GALNT17: variants seen among roughly 807,000 people sequenced by gnomAD.
The protein encoded by GALNT17 is UDP-GalNAc:polypeptide N-acetylgalactosaminyltransferase-like 3.
GALNT17 carries 29 observed loss-of-function variants against 63.7 expected under a neutral mutation model. The observed-to-expected ratio is 0.46, with a 90% confidence interval of 0.34 to 0.62. The LOEUF (loss-of-function observed/expected upper bound fraction) is 0.62. Ranked by LOEUF, GALNT17 falls within the 20% of genes least tolerant of loss-of-function variation. The pLI is 0.01. For missense variants in GALNT17, 603 were observed against 799.6 expected, an observed-to-expected ratio of 0.75 and a Z score of 2.97; for synonymous variants, 305 against 318.3, an observed-to-expected ratio of 0.96 and a Z score of 0.45.
intron 9 of GALNT17, among the ~76,000 whole-genome samples, chr7:71,697,162 A>G (rs930751210): frequency 2.0e-5 from 3 of 152,174 alleles, no homozygotes; most frequent in South Asian, 4.1e-4. Context: ...GTAAAAAGTC[A>G]TGGTAGAAAG....
At chr7:71,391,237 C>T (rs1407102018) in intron 3 of GALNT17, among the ~76,000 whole-genome samples, 3 of 152,148 alleles carry the variant, frequency 2.0e-5, no homozygotes, top group African/African-American at 7.2e-5. Flanking sequence ...GCATGAACTG[C>T]AGATCGGGCT....
At chr7:71,607,256 G>T (rs1160201305) in intron 6 of GALNT17, among the ~76,000 whole-genome samples, 1 of 152,174 alleles carries the variant, frequency 6.6e-6, no homozygotes, top group Non-Finnish European at 1.5e-5. Context: ...TACTGCCTGA[G>T]AAACTAAAGG....
chr7:71,455,665 C>G (rs1015593395), intron 5 of GALNT17, among the ~76,000 whole-genome samples: 1 of 152,170 alleles, frequency 6.6e-6, no homozygotes, highest in African/African-American at 2.4e-5. Context: ...AGGCAGCTCT[C>G]TCTCATGCTC....
chr7:71,280,843 G>T (rs561475842), intron 1 of GALNT17, among the ~76,000 whole-genome samples: 1 of 152,276 alleles, frequency 6.6e-6, no homozygotes, highest in East Asian at 1.9e-4. Flanking sequence ...CCTACAGTTG[G>T]TGACTGGGCT....
Position 71,243,912 on chromosome 7 carries a change from T to C in GALNT17, c.239-91638T>C, listed in dbSNP as rs575670226. On this transcript the variant is annotated intron_variant, in intron 1 of 10. Coordinates refer to ENST00000333538, the MANE Select transcript of GALNT17 (RefSeq NM_022479.3). ...TGTCGTTGGCAGGATCAAGAGTTTG[T>C]GGAAGCCAGATTGAAGTGGGGTGGG... Among the ~76,000 whole-genome samples, 6 of 152,214 alleles carry C rather than the reference T, an allele frequency of 3.9e-5. No homozygotes were observed. The East Asian group carries it at 1.2e-3, about 29-fold the overall frequency.
chr7:71,204,330 GT>G (rs1490455015), intron 1 of GALNT17, among the ~76,000 whole-genome samples: 1 of 152,098 alleles, frequency 6.6e-6, no homozygotes, highest in Non-Finnish European at 1.5e-5. Context: ...ATCAGGTAGT[GT>G]GATGCCTCCA....
intron 1 of GALNT17, among the ~76,000 whole-genome samples, chr7:71,306,257 A>T (rs1194978724): frequency 7.5e-6 from 1 of 133,048 alleles, no homozygotes; most frequent in African/African-American, 2.8e-5. Context: ...GGTAAAACAT[A>T]CATAACATGA....
At chr7:71,335,790 C>A (rs997544519) in intron 2 of GALNT17, 57 bp downstream of exon 2, 8 of 1,350,244 alleles carry the variant, frequency 5.9e-6, no homozygotes, top group Non-Finnish European at 7.8e-6. Context: ...TGGGTGTAGA[C>A]CCCTACGTTT....
intron 1 of GALNT17, among the ~76,000 whole-genome samples, chr7:71,265,692 G>C (rs530058250): frequency 1.3e-5 from 2 of 152,300 alleles, no homozygotes; most frequent in South Asian, 4.1e-4. Context: ...AGCCTCTCTA[G>C]GGGAAGATTT....
intron 6 of GALNT17, among the ~76,000 whole-genome samples, chr7:71,639,177 T>A (rs1306753214): frequency 2.0e-5 from 3 of 152,166 alleles, no homozygotes; most frequent in Non-Finnish European, 4.4e-5. Context: ...GTTACATGCC[T>A]GTGTCAAAAC....
At chr7:71,386,168 G>A (rs923687142) in intron 2 of GALNT17, among the ~76,000 whole-genome samples, 1 of 152,222 alleles carries the variant, frequency 6.6e-6, no homozygotes, top group Non-Finnish European at 1.5e-5. Flanking sequence ...GAGGCTGCTT[G>A]ATCAATGCAT....
chr7:71,301,343 T>A (rs1390803970), intron 1 of GALNT17, among the ~76,000 whole-genome samples: 1 of 147,198 alleles, frequency 6.8e-6, no homozygotes, highest in African/African-American at 2.5e-5. Flanking sequence ...AATTATTATA[T>A]TAAAATATAT....
intron 1 of GALNT17, among the ~76,000 whole-genome samples, chr7:71,249,787 C>T (rs1441638044): frequency 6.6e-6 from 1 of 152,212 alleles, no homozygotes; most frequent in African/African-American, 2.4e-5. Flanking sequence ...GTTGGTGGTG[C>T]TTAATAAATT....
Position 71,658,104 on chromosome 7 carries a change from G to A in GALNT17, c.1081-7307G>A, listed in dbSNP as rs531449452. Among the ~76,000 whole-genome samples the A allele has an allele frequency of 5.7e-4, 86 of 152,140 alleles. No homozygotes were observed. The South Asian group carries it at 0.011, about 20-fold the overall frequency. On this transcript the variant is annotated intron_variant, in intron 6 of 10. Coordinates refer to ENST00000333538, the MANE Select transcript of GALNT17 (RefSeq NM_022479.3). ...ATTTTCTTTTGTAGAGGCTGGTCTC[G>A]CCATGTTGCCCAGGCTGGTCTTGAA...
At chr7:71,711,912 T>G in intron 10 of GALNT17, 106 bp from the exon 11 acceptor site, 1 of 1,287,816 alleles carries the variant, frequency 7.8e-7, no homozygotes, top group Non-Finnish European at 1.1e-6. Flanking sequence ...TCTTTTTCTC[T>G]TTGTCATTTT....
In GALNT17 at chr7:71,335,591, C is replaced by T. The variant is rs149779098; in HGVS notation, c.280C>T (p.Arg94Trp). The T allele has an allele frequency of 1.0e-5, 16 of 1,602,860 alleles. No homozygotes were observed. Among genetic ancestry groups the T allele is most frequent in the East Asian group, 4.5e-5 (2 of 44,516 alleles). Reference sequence around the variant, plus strand: ...TGGGCTCATTGAAGGTTATGGTGGGCGGGGTAAAGGGGGCCTTCCGGCTAC... The same window carrying T: ...TGGGCTCATTGAAGGTTATGGTGGGTGGGGTAAAGGGGGCCTTCCGGCTAC... ...SLGLIEGYGG[R>W]GKGGLPATLS... The change falls in exon 2 of 11, where the codon CGG becomes TGG. Residue 94 changes from arginine to tryptophan, a missense_variant. Transcript: ENST00000333538.
At chr7:71,494,327 G>A (rs944175152) in intron 5 of GALNT17, among the ~76,000 whole-genome samples, 6 of 152,006 alleles carry the variant, frequency 3.9e-5, no homozygotes, top group African/African-American at 1.4e-4. Context: ...ATTATAATTC[G>A]ATAAGAGATT....
At chr7:71,199,394 C>A (rs972782207) in intron 1 of GALNT17, among the ~76,000 whole-genome samples, 1 of 152,092 alleles carries the variant, frequency 6.6e-6, no homozygotes, top group African/African-American at 2.4e-5. Context: ...ATTAGGATTT[C>A]TAACCGTCCA....
intron 1 of GALNT17, among the ~76,000 whole-genome samples, chr7:71,176,839 G>A (rs972592794): frequency 1.3e-5 from 2 of 152,116 alleles, no homozygotes; most frequent in Non-Finnish European, 2.9e-5. Context: ...TGCAACATTC[G>A]TTGATTTCAT....
Sources: allele counts gnomAD v4.1 joint callset (sites outside exome capture counted in the v4.1 genomes callset), GRCh38; gene constraint gnomAD v4.1.1; transcripts MANE v1.5; gene names NCBI Gene and HGNC (gene_info 2026-07-23, HGNC 2026-07-21).